MOCOS: variants seen among roughly 807,000 people sequenced by gnomAD.
MOCOS encodes the protein human molybdenum cofactor sulfurase.
A neutral mutation model predicts 83.6 loss-of-function variants in MOCOS; 86 were observed. The observed-to-expected ratio is 1.03, with a 90% CI of 0.86 to 1.23. MOCOS has a LOEUF of 1.23. MOCOS is among the 50% of genes most tolerant of loss of function. The pLI is 0.00. For synonymous variants in MOCOS, 445 were observed against 434.7 expected (o/e 1.02, Z -0.29); for missense variants, 1,120 against 1,126.9 (o/e 0.99, Z 0.09).
At position 36,249,013 on chromosome 18, in the gene MOCOS, A is replaced by C; in HGVS notation, c.2039+13A>C. 1 of 1,612,554 alleles carries C rather than the reference A, an allele frequency of 6.2e-7. No homozygotes were observed. Among genetic ancestry groups the C allele is most frequent in the Non-Finnish European group, 8.5e-7 (1 of 1,178,622 alleles). Reference sequence around the variant, plus strand: ...TCTGTGCTGACAGGTGAGACTCTGAAGCACGTGAAAATCTCAGCTTTATTG... The same window carrying C: ...TCTGTGCTGACAGGTGAGACTCTGACGCACGTGAAAATCTCAGCTTTATTG... On this transcript the variant is annotated intron_variant, in intron 10 of 14. Coordinates refer to ENST00000261326, the MANE Select transcript of MOCOS (RefSeq NM_017947.4).
intron 9 of MOCOS, among the ~76,000 whole-genome samples, chr18:36,248,285 A>G (rs1481581476): frequency 2.0e-5 from 3 of 152,190 alleles, no homozygotes; most frequent in Non-Finnish European, 2.9e-5. Flanking sequence ...CTCATTTAAA[A>G]AAATTGAATT....
chr18:36,212,514 C>T (rs1342881758), intron 6 of MOCOS, among the ~76,000 whole-genome samples: 1 of 152,166 alleles, frequency 6.6e-6, no homozygotes, highest in Non-Finnish European at 1.5e-5. Context: ...AATTCACTAG[C>T]AGGTCTGCAT....
intron 9 of MOCOS, among the ~76,000 whole-genome samples, chr18:36,222,737 G>A (rs1408322907): frequency 6.6e-6 from 1 of 151,720 alleles, no homozygotes; most frequent in East Asian, 1.9e-4. Context: ...CAGTAGCTGG[G>A]ACTACAGGCG....
chr18:36,252,724 A>G (rs1483946171), intron 11 of MOCOS, among the ~76,000 whole-genome samples: 15 of 152,204 alleles, frequency 9.9e-5, no homozygotes, highest in Admixed American at 9.8e-4. Flanking sequence ...TTTATGTTTC[A>G]TGTTTCTAAA....
intron 9 of MOCOS, among the ~76,000 whole-genome samples, chr18:36,241,269 A>G (rs935558725): frequency 6.6e-6 from 1 of 152,214 alleles, no homozygotes; most frequent in Non-Finnish European, 1.5e-5. Context: ...TGTCAAAGAA[A>G]AAACAAGTTA....
At position 36,200,326 on chromosome 18, in the gene MOCOS, T is replaced by C. The variant is rs1336123903; in HGVS notation, c.941+2T>C. On this transcript the variant is annotated splice_donor_variant, in intron 4 of 14. Coordinates refer to ENST00000261326, the MANE Select transcript of MOCOS (RefSeq NM_017947.4). LOFTEE classifies it high-confidence loss of function. Reference sequence around the variant, plus strand: ...CCCGAGGCAGTCGGTAGCTCAGAGGTAACCTTGCCACAGGGGAGGGGTCAG... The same window carrying C: ...CCCGAGGCAGTCGGTAGCTCAGAGGCAACCTTGCCACAGGGGAGGGGTCAG... 1 of 1,613,896 alleles carries C rather than the reference T, an allele frequency of 6.2e-7. No individual in the cohort carries two copies. Among genetic ancestry groups the C allele is most frequent in the South Asian group, 1.1e-5 (1 of 91,060 alleles).
rs62101265 is a variant in MOCOS at position 36,254,500 on chromosome 18, A to G, written c.2165-2468A>G. 3.7e-3 allele frequency among the ~76,000 whole-genome samples: 224 copies of G among 60,450 alleles called. 2 individuals are homozygous for G. Among genetic ancestry groups the G allele is most frequent in the Middle Eastern group, 0.023 (3 of 132 alleles). The allele number at this position is 60,450 out of a possible 152,430, so 39.7% of individuals were successfully genotyped here. ...TGTGTGTGTGTGTGTGTGTGTGTGT[A>G]TAGAGAGAGAGAGAGCGAGAGGGAG... On this transcript the variant is annotated intron_variant, in intron 11 of 14. Coordinates refer to ENST00000261326, the MANE Select transcript of MOCOS (RefSeq NM_017947.4).
chr18:36,242,077 T>G (rs1402822650), intron 9 of MOCOS, among the ~76,000 whole-genome samples: 1 of 152,252 alleles, frequency 6.6e-6, no homozygotes, highest in African/African-American at 2.4e-5. Context: ...GCTTTGGCAA[T>G]TAACATTTGG....
chr18:36,221,648 TGTTCCC>T (rs2091496432), intron 9 of MOCOS, among the ~76,000 whole-genome samples: 4 of 134,864 alleles, frequency 3.0e-5, no homozygotes, highest in Non-Finnish European at 6.7e-5. Context: ...TGTTCTGTTC[TGTTCCC>T]GTGGTTTATT....
At position 36,199,695 on chromosome 18, in the gene MOCOS, C is replaced by T. The variant is rs759403754; in HGVS notation, c.312C>T (p.His104=). 2 of 1,613,752 alleles carry T rather than the reference C, an allele frequency of 1.2e-6. No homozygotes were observed. Among genetic ancestry groups the T allele is most frequent in the Non-Finnish European group, 1.7e-6 (2 of 1,180,044 alleles). ...VEQVRYRILA[H]FHTTAEDYTV... is the part of the protein sequence containing the mutation. The stretch of plus-strand genomic sequence containing the variant: ...GTGCTTCTTCCAGAATCCTGGCGCA[C>T]TTCCACACCACCGCAGAAGACTACA... Residue 104 remains histidine, a synonymous_variant, in exon 4 of 15, where the codon CAC becomes CAT. Transcript: ENST00000261326.
rs2091490563 is a variant in MOCOS at position 36,220,126 on chromosome 18, T to C, written c.1869T>C (p.Gly623=). 6.2e-7 allele frequency: 1 copy of C among 1,613,916 alleles called. No homozygotes were observed. The highest frequency in any genetic ancestry group is 1.3e-5 in the African/African-American group (1 of 74,886). The change falls in exon 9 of 15, where the codon GGT becomes GGC. Residue 623 remains glycine (G), a synonymous_variant. Transcript: ENST00000261326. ...GCTGGATGGTTGTGAATCACAATGG[T>C]GTTTGCCTGAGTCAGAAGCAGGAAC... ...DRSWMVVNHN[G]VCLSQKQEPR...
intron 9 of MOCOS, among the ~76,000 whole-genome samples, chr18:36,243,444 G>A (rs1305352089): frequency 6.6e-6 from 1 of 152,124 alleles, no homozygotes; most frequent in Non-Finnish European, 1.5e-5. Flanking sequence ...AACCAACTCT[G>A]CATCACTGGT....
intron 13 of MOCOS, among the ~76,000 whole-genome samples, chr18:36,260,784 G>A (rs921488504): frequency 1.8e-4 from 28 of 151,726 alleles, no homozygotes; most frequent in African/African-American, 6.1e-4. Context: ...AAGGCCCTAC[G>A]AGATCCCATG....
intron 5 of MOCOS, among the ~76,000 whole-genome samples, chr18:36,204,844 T>G (rs2091428369): frequency 6.6e-6 from 1 of 151,262 alleles, no homozygotes; most frequent in Non-Finnish European, 1.5e-5. Flanking sequence ...AATACAAAAA[T>G]TAGTCAGGCA....
Position 36,205,273 on chromosome 18 carries a change from C to T in MOCOS, c.1215C>T (p.Ser405=). Residue 405 remains serine (S), a synonymous_variant, in exon 6 of 15, where the codon TCC becomes TCT. Transcript: ENST00000261326. ...LDDKGNIIGY[S]QVDKMASLYN... is the part of the protein sequence containing the mutation. ...ACAAAGGGAACATCATTGGTTACTC[C>T]CAGGTGGGTTTTCTTTCCATCCTGC... is the stretch of plus-strand genomic sequence containing the variant. 1 of 1,613,292 alleles carries T rather than the reference C, an allele frequency of 6.2e-7. No individual in the cohort carries two copies. Among genetic ancestry groups the T allele is most frequent in the Non-Finnish European group, 8.5e-7 (1 of 1,179,764 alleles).
intron 9 of MOCOS, among the ~76,000 whole-genome samples, chr18:36,237,005 T>A (rs1181174882): frequency 1.3e-5 from 2 of 151,838 alleles, no homozygotes; most frequent in African/African-American, 2.4e-5. Context: ...TTTGCTGAAG[T>A]TGCTTATGAG....
In MOCOS at chr18:36,215,707, A is replaced by T; in HGVS notation, c.1527A>T (p.Gly509=). 6.2e-7 allele frequency: 1 copy of T among 1,614,152 alleles called. No individual in the cohort carries two copies. Among genetic ancestry groups the T allele is most frequent in the Admixed American group, 1.7e-5 (1 of 60,020 alleles). The change falls in exon 8 of 15, where the codon GGA becomes GGT. Residue 509 remains glycine, a synonymous_variant. Coordinates refer to ENST00000261326, the MANE Select transcript of MOCOS (RefSeq NM_017947.4). Reference sequence around the variant, plus strand: ...CCCATGCTGACACCGGGGAGACTGGAGCCCCATCAGCAGACAGCCAGGCTG... The same window carrying T: ...CCCATGCTGACACCGGGGAGACTGGTGCCCCATCAGCAGACAGCCAGGCTG... ...PQAHADTGET[G]APSADSQADV...
At position 36,199,859 on chromosome 18, in the gene MOCOS, G is replaced by A. The variant is rs1160517195; in HGVS notation, c.476G>A (p.Arg159Gln). 3.1e-6 allele frequency: 5 copies of A among 1,613,860 alleles called. No homozygotes were observed. Among genetic ancestry groups the A allele is most frequent in the African/African-American group, 2.7e-5 (2 of 74,918 alleles). The stretch of plus-strand genomic sequence containing the variant: ...AGCCACACCTCCGTAGTGGGTATGC[G>A]GAACGTGACCATGGCTATAAATGTC... ...TDSHTSVVGM[R>Q]NVTMAINVIS... Residue 159 changes from arginine to glutamine, a missense_variant, in exon 4 of 15, where the codon CGG (arginine) becomes CAG (glutamine). Coordinates refer to ENST00000261326, the MANE Select transcript of MOCOS (RefSeq NM_017947.4).
intron 2 of MOCOS, among the ~76,000 whole-genome samples, chr18:36,197,043 T>C (rs1330295121): frequency 6.6e-6 from 1 of 152,136 alleles, no homozygotes; most frequent in Non-Finnish European, 1.5e-5. Flanking sequence ...GGGACACATT[T>C]GGTGAGGACA....
Sources: gnomAD v4.1 joint callset for allele counts (sites outside exome capture counted in the v4.1 genomes callset) on GRCh38, gnomAD v4.1.1 for gene constraint, MANE v1.5 for transcripts, NCBI Gene and HGNC (gene_info 2026-07-23, HGNC 2026-07-21) for gene names.